Variants in CWC22 observed in about 807,000 individuals in gnomAD.
CWC22 encodes the protein pre-mRNA-splicing factor CWC22 homolog.
CWC22 carries 53 observed loss-of-function variants against 117.2 expected under a neutral mutation model. The ratio of observed to expected loss-of-function variants is 0.45; its 90% CI spans 0.36 to 0.57. CWC22 has a LOEUF of 0.57. Among genes scored for constraint, CWC22 ranks in the 20% least tolerant of loss-of-function variants. The probability of loss-of-function intolerance (pLI) is 0.00; values close to 1 mark genes in which losing one functional copy is unlikely to be tolerated. For missense variants in CWC22, 980 were observed against 1,068.8 expected (o/e 0.92, Z 1.16); for synonymous variants, 360 against 355.6 (o/e 1.01, Z -0.14).
Position 179,959,002 on chromosome 2 carries a change from T to A in CWC22, c.1458+20A>T. The stretch of plus-strand genomic sequence containing the variant: ...TAAAACCAATATATACATTTCCTAA[T>A]AGAAAAAGTATTAACATACTGTTTG... On this transcript the variant is annotated intron_variant, in intron 14 of 19. Coordinates refer to ENST00000410053, the MANE Select transcript of CWC22 (RefSeq NM_020943.3). 1 of 1,469,878 alleles carries A rather than the reference T, an allele frequency of 6.8e-7. No homozygotes were observed. The highest frequency in any genetic ancestry group is 9.3e-7 in the Non-Finnish European group (1 of 1,071,768). The allele number at this position is 1,469,878 out of a possible 1,614,324, so 91.1% of individuals were successfully genotyped here.
At position 179,981,959 on chromosome 2, in the gene CWC22, T is replaced by C; in HGVS notation, c.245A>G (p.Asp82Gly). 1 of 1,553,052 alleles carries C rather than the reference T, an allele frequency of 6.4e-7. No homozygotes were observed. The highest frequency in any genetic ancestry group is 8.7e-7 in the Non-Finnish European group (1 of 1,147,092). Residue 82 changes from aspartate to glycine, a missense_variant, in exon 5 of 20, where the codon GAT becomes GGT. Transcript: ENST00000410053. ...DREKRRERER[D>G]TDRKRSRKSP... ...TTTCCGAGACCTTTTCCGATCCGTA[T>C]CTCTTTCTCTTTCTCTGCGTTTTTC...
At chr2:179,973,932 A>G in intron 6 of CWC22, 130 bp from the exon 7 acceptor site, 1 of 463,950 alleles carries the variant, frequency 2.2e-6, no homozygotes, top group Non-Finnish European at 3.7e-6. Context: ...CTAACTGGAA[A>G]GAGTTTGTCT....
intron 8 of CWC22, among the ~76,000 whole-genome samples, chr2:179,971,334 T>C (rs1403180622): frequency 3.3e-5 from 5 of 152,148 alleles, no homozygotes; most frequent in African/African-American, 4.8e-5. Flanking sequence ...ACTATTTGAA[T>C]TATCTTCAGA....
chr2:179,961,330 A>T (rs925740987), intron 13 of CWC22, among the ~76,000 whole-genome samples: 2 of 151,966 alleles, frequency 1.3e-5, no homozygotes, highest in African/African-American at 4.8e-5. Flanking sequence ...CTAAGTAATG[A>T]TTATGGACTT....
chr2:179,946,449 CA>C (rs61200729), intron 19 of CWC22, among the ~76,000 whole-genome samples: 42 of 41,694 alleles, frequency 1.0e-3, no homozygotes, highest in Non-Finnish European at 1.1e-3. Flanking sequence ...GGACTCTGTC[CA>C]AAAAAAAAAA....
chr2:179,969,347 C>T (rs965721978), intron 11 of CWC22, among the ~76,000 whole-genome samples: 1 of 152,138 alleles, frequency 6.6e-6, no homozygotes, highest in South Asian at 2.1e-4. Flanking sequence ...CAGTGAAAAG[C>T]TCCTAGGAAA....
chr2:179,989,859 C>T (rs1327584543), intron 2 of CWC22, among the ~76,000 whole-genome samples: 1 of 152,076 alleles, frequency 6.6e-6, no homozygotes, highest in Non-Finnish European at 1.5e-5. Context: ...ATACCTTAAT[C>T]TTGAAATCTA....
intron 1 of CWC22, among the ~76,000 whole-genome samples, chr2:180,001,337 T>C (rs1417766438): frequency 1.3e-5 from 2 of 152,062 alleles, no homozygotes; most frequent in East Asian, 3.9e-4. Flanking sequence ...TTTCTTTTTT[T>C]TTTTTCTTGA....
Position 179,945,116 on chromosome 2 carries a change from T to A in CWC22, c.*13A>T. 1.3e-6 allele frequency: 2 copies of A among 1,566,458 alleles called. No individual in the cohort carries two copies. The highest frequency in any genetic ancestry group is 1.2e-5 in the South Asian group (1 of 83,598). ...GAATATAAGGCATGTCCAGTTTATG[T>A]CATTTTGTAGAATTATTTTTGTTTT... On this transcript the variant is annotated 3_prime_UTR_variant, in exon 20 of 20. Transcript: ENST00000410053.
intron 1 of CWC22, among the ~76,000 whole-genome samples, chr2:180,002,810 A>G (rs1371963345): frequency 6.6e-6 from 1 of 152,208 alleles, no homozygotes; most frequent in African/African-American, 2.4e-5. Flanking sequence ...ATGTGTAAAG[A>G]CTCAGAGACA....
intron 1 of CWC22, among the ~76,000 whole-genome samples, chr2:179,999,215 T>A (rs1275232426): frequency 2.0e-5 from 3 of 152,194 alleles, no homozygotes; most frequent in Non-Finnish European, 4.4e-5. Flanking sequence ...AACATATGCA[T>A]GCTAATACTT....
At chr2:179,948,691 C>T (rs1459195711) in intron 19 of CWC22, among the ~76,000 whole-genome samples, 1 of 152,114 alleles carries the variant, frequency 6.6e-6, no homozygotes, top group Non-Finnish European at 1.5e-5. Flanking sequence ...AAACTCCATA[C>T]TGAGGGACAG....
intron 3 of CWC22, among the ~76,000 whole-genome samples, chr2:179,987,371 A>G (rs1473843173): frequency 6.6e-6 from 1 of 152,220 alleles, no homozygotes; most frequent in Non-Finnish European, 1.5e-5. Flanking sequence ...GAGAACCTTA[A>G]GAGAAGTTAA....
intron 6 of CWC22, among the ~76,000 whole-genome samples, chr2:179,975,310 T>C (rs1456256095): frequency 6.6e-6 from 1 of 152,152 alleles, no homozygotes; most frequent in African/African-American, 2.4e-5. Flanking sequence ...ATAAAGGCCA[T>C]ATATGACGAA....
intron 5 of CWC22, among the ~76,000 whole-genome samples, 172 bp downstream of exon 5, chr2:179,981,580 C>T (rs764132746): frequency 7.0e-4 from 107 of 152,132 alleles, no homozygotes; most frequent in Admixed American, 1.2e-3. Context: ...AATATAAGGG[C>T]ACGTAGTGTG....
At chr2:179,945,748 T>A in intron 19 of CWC22, 33 bp from the exon 20 acceptor site, 1 of 1,238,312 alleles carries the variant, frequency 8.1e-7, no homozygotes, top group African/African-American at 1.5e-5. Context: ...AGTTAGCTTT[T>A]ATTTCAATCT....
intron 16 of CWC22, among the ~76,000 whole-genome samples, chr2:179,953,190 G>T (rs958532491): frequency 2.0e-5 from 3 of 151,816 alleles, no homozygotes; most frequent in Non-Finnish European, 4.4e-5. Flanking sequence ...CTCAAAGAGG[G>T]GAAAAAAGAA....
At chr2:179,977,450 G>C (rs1200881396) in intron 6 of CWC22, among the ~76,000 whole-genome samples, 1 of 152,194 alleles carries the variant, frequency 6.6e-6, no homozygotes, top group Non-Finnish European at 1.5e-5. Context: ...ATTATGCTAA[G>C]TGAAATAAGC....
Position 179,945,750 on chromosome 2 carries a change from T to C in CWC22, c.2141-35A>G, listed in dbSNP as rs537763232. On this transcript the variant is annotated intron_variant, in intron 19 of 19. Coordinates refer to ENST00000410053, the MANE Select transcript of CWC22 (RefSeq NM_020943.3). ...TAAAATAAAAGACAGTTAGCTTTTA[T>C]TTCAATCTTAATTTCATAATTATAA... 5.6e-6 allele frequency: 7 copies of C among 1,241,270 alleles called. No individual in the cohort carries two copies. The African/African-American group carries it at 1.1e-4, about 19-fold the overall frequency. 76.9% of individuals were successfully genotyped at this position (1,241,270 alleles called of 1,614,324 possible). A position where few individuals can be genotyped will look rare whatever the true frequency, so the allele number is the denominator to read the frequency against.
Sources: gnomAD v4.1 joint callset for allele counts (sites outside exome capture counted in the v4.1 genomes callset) on GRCh38, gnomAD v4.1.1 for gene constraint, MANE v1.5 for transcripts, NCBI Gene and HGNC (gene_info 2026-07-23, HGNC 2026-07-21) for gene names.